CACNA2D3: variants seen among roughly 807,000 people sequenced by gnomAD.
CACNA2D3 encodes calcium voltage-gated channel auxiliary subunit alpha2delta 3.
CACNA2D3 carries 60 observed loss-of-function variants against 160.6 expected under a neutral mutation model. The ratio of observed to expected loss-of-function variants is 0.37; its 90% CI spans 0.30 to 0.46. The LOEUF (loss-of-function observed/expected upper bound fraction) is 0.46, where lower values mean the gene tolerates loss of function less well. Among genes scored for constraint, CACNA2D3 ranks in the 20% least tolerant of loss-of-function variants. The probability of loss-of-function intolerance (pLI) is 1.00; values close to 1 mark genes in which losing one functional copy is unlikely to be tolerated. For synonymous variants in CACNA2D3, 558 were observed against 492.9 expected (o/e 1.13, Z -1.75); for missense variants, 1,205 against 1,365.0 (o/e 0.88, Z 1.85).
chr3:54,955,133 A>G (rs1701851903), intron 27 of CACNA2D3, among the ~76,000 whole-genome samples: 5 of 152,198 alleles, frequency 3.3e-5, no homozygotes. Context: ...TAGGAGAATG[A>G]TTATCCAATA....
intron 3 of CACNA2D3, among the ~76,000 whole-genome samples, chr3:54,368,693 CTTTTTTTT>C (rs33976949): frequency 4.2e-5 from 3 of 71,538 alleles, no homozygotes; most frequent in East Asian, 1.1e-3. Flanking sequence ...GGGTAGGGTT[CTTTTTTTT>C]TTTTTTTTTT....
At position 54,490,629 on chromosome 3, in the gene CACNA2D3, CTG is replaced by C. The variant is rs1300740246; in HGVS notation, c.382-12860_382-12859del. 9.2e-5 allele frequency among the ~76,000 whole-genome samples: 14 copies of C among 152,300 alleles called. No individual in the cohort carries two copies. The East Asian group carries it at 2.3e-3, about 25-fold the overall frequency. ...CTGGGCACTGTGCCTGGTGCCAGGA[CTG>C]TGGAGGTGAGAAAGGCACCTCCACA... On this transcript the variant is annotated intron_variant, in intron 4 of 37. Transcript: ENST00000474759.
At chr3:54,291,303 G>A (rs537545456) in intron 2 of CACNA2D3, among the ~76,000 whole-genome samples, 66 of 152,156 alleles carry the variant, frequency 4.3e-4, no homozygotes, top group Non-Finnish European at 7.9e-4. Flanking sequence ...TTGCAGGAAT[G>A]ATTAATATCC....
Position 54,426,415 on chromosome 3 carries a change from A to G in CACNA2D3, c.381+39641A>G, listed in dbSNP as rs145589289. Reference sequence around the variant, plus strand: ...TTTCCACTCCTTTTAATGGGTTGGGATATTTTGGAATCAATTACACAGTGC... The same window carrying G: ...TTTCCACTCCTTTTAATGGGTTGGGGTATTTTGGAATCAATTACACAGTGC... On this transcript the variant is annotated intron_variant, in intron 4 of 37. Transcript: ENST00000474759. Among the ~76,000 whole-genome samples the G allele has an allele frequency of 6.7e-3, 1,019 of 152,252 alleles. 12 individuals are homozygous for G. Among genetic ancestry groups the G allele is most frequent in the African/African-American group, 0.023 (974 of 41,536 alleles).
intron 13 of CACNA2D3, among the ~76,000 whole-genome samples, chr3:54,812,325 G>A (rs1703338823): frequency 6.6e-6 from 1 of 152,004 alleles, no homozygotes; most frequent in Non-Finnish European, 1.5e-5. Flanking sequence ...CCAATTGCAG[G>A]TATGTGGTAC....
intron 4 of CACNA2D3, among the ~76,000 whole-genome samples, chr3:54,391,246 A>G (rs1699274715): frequency 6.6e-6 from 1 of 152,172 alleles, no homozygotes. Context: ...TTACAATTTT[A>G]TTTTCCATTT....
chr3:54,337,529 A>C (rs377029119), intron 3 of CACNA2D3, among the ~76,000 whole-genome samples: 1 of 152,238 alleles, frequency 6.6e-6, no homozygotes, highest in Non-Finnish European at 1.5e-5. Flanking sequence ...CTGTCTCTGC[A>C]TTAGTGGAAA....
intron 4 of CACNA2D3, among the ~76,000 whole-genome samples, chr3:54,403,356 AACACAC>A (rs55779518): frequency 0.12 from 16,145 of 137,324 alleles, 908 homozygotes; most frequent in South Asian, 0.17. Flanking sequence ...CCCTATCTCA[AACACAC>A]ACACACACAC....
chr3:54,730,079 A>G (rs1701358429), intron 11 of CACNA2D3, among the ~76,000 whole-genome samples: 1 of 151,914 alleles, frequency 6.6e-6, no homozygotes, highest in African/African-American at 2.4e-5. Context: ...TTTACCAAAT[A>G]TGTATTGGAA....
chr3:54,790,461 A>C (rs911798452), intron 13 of CACNA2D3, among the ~76,000 whole-genome samples: 2 of 152,176 alleles, frequency 1.3e-5, no homozygotes, highest in African/African-American at 4.8e-5. Context: ...ACTGAGTATA[A>C]CACAATGGGG....
intron 11 of CACNA2D3, among the ~76,000 whole-genome samples, chr3:54,741,813 T>C (rs1196123092): frequency 6.6e-6 from 1 of 151,996 alleles, no homozygotes; most frequent in Non-Finnish European, 1.5e-5. Flanking sequence ...GCCTTGTTCC[T>C]ATTTTTTTAG....
chr3:54,807,190 C>G (rs1703151388), intron 13 of CACNA2D3, among the ~76,000 whole-genome samples: 1 of 152,158 alleles, frequency 6.6e-6, no homozygotes, highest in East Asian at 1.9e-4. Flanking sequence ...CAACAAAAGA[C>G]AAAATTGACA....
At chr3:54,379,138 G>A (rs922617618) in intron 3 of CACNA2D3, among the ~76,000 whole-genome samples, 2 of 152,134 alleles carry the variant, frequency 1.3e-5, no homozygotes. Flanking sequence ...TGCACGATGT[G>A]TTTTCTCTAT....
chr3:54,759,790 G>T (rs1182677387), intron 12 of CACNA2D3, among the ~76,000 whole-genome samples: 1 of 152,202 alleles, frequency 6.6e-6, no homozygotes, highest in African/African-American at 2.4e-5. Flanking sequence ...TGGGGGAGGA[G>T]CTCTGAGCTG....
intron 14 of CACNA2D3, among the ~76,000 whole-genome samples, chr3:54,830,754 G>A (rs1191154709): frequency 6.6e-6 from 1 of 152,164 alleles, no homozygotes; most frequent in East Asian, 1.9e-4. Flanking sequence ...TGGGATTACA[G>A]GCGTGAGTCA....
chr3:54,233,757 G>A (rs1701822275), intron 2 of CACNA2D3, among the ~76,000 whole-genome samples: 1 of 152,154 alleles, frequency 6.6e-6, no homozygotes, highest in African/African-American at 2.4e-5. Flanking sequence ...AGAGAAGTTG[G>A]GGATCCTTAA....
At chr3:54,998,292 C>T (rs187272006) in intron 31 of CACNA2D3, among the ~76,000 whole-genome samples, 65 of 151,918 alleles carry the variant, frequency 4.3e-4, no homozygotes, top group African/African-American at 1.4e-3. Context: ...CGTGCCACCA[C>T]GCCAGGCTAA....
chr3:54,835,571 AG>A (rs1162468910), intron 14 of CACNA2D3, among the ~76,000 whole-genome samples: 1 of 152,238 alleles, frequency 6.6e-6, no homozygotes, highest in Non-Finnish European at 1.5e-5. Flanking sequence ...CTTAGATTTT[AG>A]GATCTTCTCT....
intron 34 of CACNA2D3, 101 bp downstream of exon 34, chr3:55,009,544 A>G (rs1703165961): frequency 9.1e-7 from 1 of 1,094,860 alleles, no homozygotes; most frequent in Non-Finnish European, 1.4e-6. Flanking sequence ...AAAATTCCCC[A>G]GGACAAAGTG....
Sources: gnomAD v4.1 joint callset for allele counts (sites outside exome capture counted in the v4.1 genomes callset) on GRCh38, gnomAD v4.1.1 for gene constraint, MANE v1.5 for transcripts, NCBI Gene and HGNC (gene_info 2026-07-23, HGNC 2026-07-21) for gene names.